Variants in SCCPDH observed in about 807,000 individuals in gnomAD.
SCCPDH encodes the protein saccharopine dehydrogenase (putative).
In SCCPDH, 34 loss-of-function variants were observed where a neutral mutation model predicts 51.5. The ratio of observed to expected loss-of-function variants is 0.66; its 90% CI spans 0.50 to 0.88. SCCPDH has a LOEUF of 0.88. Among genes scored for constraint, SCCPDH ranks in the 40% least tolerant of loss-of-function variants. SCCPDH has a pLI of 0.00. For synonymous variants in SCCPDH, 187 were observed against 191.3 expected (o/e 0.98, Z 0.19); for missense variants, 464 against 527.1 (o/e 0.88, Z 1.17).
intron 2 of SCCPDH, among the ~76,000 whole-genome samples, chr1:246,728,683 CTTTTT>C (rs563487565): frequency 2.0e-5 from 3 of 151,242 alleles, no homozygotes; most frequent in Admixed American, 2.0e-4. Flanking sequence ...TTTTATTTTT[CTTTTT>C]TTTTAACTAT....
chr1:246,765,519 C>T (rs1010407189), intron 10 of SCCPDH, among the ~76,000 whole-genome samples: 1 of 152,112 alleles, frequency 6.6e-6, no homozygotes, highest in Non-Finnish European at 1.5e-5. Context: ...GCTAATGTTC[C>T]GTTTGTTTAT....
Position 246,767,351 on chromosome 1 carries a change from CT to C in SCCPDH, c.*52del, listed in dbSNP as rs763326437. ...TAACGTGCGTGAATTAACAGCTTCT[CT>C]ATTTGATATTTGAAATTCTTCTGTA... On this transcript the variant is annotated 3_prime_UTR_variant, in exon 12 of 12. Transcript: ENST00000366510. 2 of 1,060,384 alleles carry C rather than the reference CT, an allele frequency of 1.9e-6. No individual in the cohort carries two copies. Among genetic ancestry groups the C allele is most frequent in the Admixed American group, 2.6e-5 (1 of 37,852 alleles). The allele number at this position is 1,060,384 out of a possible 1,614,324, so 65.7% of individuals were successfully genotyped here. A position where few individuals can be genotyped will look rare whatever the true frequency, so the allele number is the denominator to read the frequency against.
In SCCPDH at chr1:246,766,960, A is replaced by C. The variant is rs1446188431; in HGVS notation, c.1185-235A>C. 3.9e-5 allele frequency among the ~76,000 whole-genome samples: 6 copies of C among 152,266 alleles called. No homozygotes were observed. The East Asian group carries it at 9.6e-4, about 24-fold the overall frequency. ...CCCACCAAACACATGCATAGAATGGAAACAGTATCTCCAGGAACAGAGCCA... is the reference window on the plus strand; with the variant it reads ...CCCACCAAACACATGCATAGAATGGCAACAGTATCTCCAGGAACAGAGCCA... On this transcript the variant is annotated intron_variant, in intron 11 of 11. Coordinates refer to ENST00000366510, the MANE Select transcript of SCCPDH (RefSeq NM_016002.3).
intron 11 of SCCPDH, among the ~76,000 whole-genome samples, chr1:246,766,854 G>A (rs182300588): frequency 5.3e-5 from 8 of 151,604 alleles, no homozygotes; most frequent in African/African-American, 1.9e-4. Context: ...TATTCCATTC[G>A]GGTCTTTCTT....
chr1:246,743,354 G>A (rs1347401326), intron 4 of SCCPDH, among the ~76,000 whole-genome samples: 1 of 152,134 alleles, frequency 6.6e-6, no homozygotes, highest in Non-Finnish European at 1.5e-5. Context: ...AGAAGCCGAG[G>A]TGGGCAGATC....
intron 9 of SCCPDH, among the ~76,000 whole-genome samples, chr1:246,760,571 T>G (rs570234151): frequency 6.6e-6 from 1 of 152,178 alleles, no homozygotes; most frequent in East Asian, 1.9e-4. Flanking sequence ...TTCTCCTCTG[T>G]TATCTTTTCC....
chr1:246,724,687 C>A lies in SCCPDH; in HGVS notation c.190+75C>A, dbSNP rs550990324. 1.8e-4 allele frequency: 240 copies of A among 1,314,928 alleles called. 3 individuals are homozygous for A. The highest frequency in any genetic ancestry group is 1.8e-3 in the South Asian group (111 of 62,992). 81.5% of individuals were successfully genotyped at this position (1,314,928 alleles called of 1,614,324 possible). ...CCCGCATCGCCCCAAACGAGCGTTT[C>A]TCCCGCAGGGATGCGCCCTACGTGT... On this transcript the variant is annotated intron_variant, in intron 1 of 11. Transcript: ENST00000366510.
intron 4 of SCCPDH, among the ~76,000 whole-genome samples, chr1:246,741,206 A>T (rs1182998376): frequency 6.6e-6 from 1 of 152,242 alleles, no homozygotes; most frequent in Non-Finnish European, 1.5e-5. Flanking sequence ...TATATTAAAA[A>T]GTTAGCATAA....
chr1:246,725,201 T>G (rs1403554497), intron 1 of SCCPDH, among the ~76,000 whole-genome samples: 8 of 152,190 alleles, frequency 5.3e-5, no homozygotes, highest in Admixed American at 5.2e-4. Flanking sequence ...GTTTAGACGC[T>G]TACGTATTCT....
At chr1:246,753,001 C>T (rs1467587885) in intron 5 of SCCPDH, among the ~76,000 whole-genome samples, 1 of 151,908 alleles carries the variant, frequency 6.6e-6, no homozygotes, top group Non-Finnish European at 1.5e-5. Context: ...CTCTCTGTCT[C>T]TTTCTCTCTC....
At chr1:246,726,508 G>A (rs114896489) in intron 1 of SCCPDH, among the ~76,000 whole-genome samples, 7,021 of 152,100 alleles carry the variant, frequency 0.046, 544 homozygotes, top group African/African-American at 0.16. Context: ...AAAGTGCTGA[G>A]CCACTGCCCC....
At chr1:246,747,765 GT>G (rs1219771261) in intron 5 of SCCPDH, among the ~76,000 whole-genome samples, 1 of 152,214 alleles carries the variant, frequency 6.6e-6, no homozygotes, top group African/African-American at 2.4e-5. Flanking sequence ...AGGAAGGACA[GT>G]TACAGAACAA....
At chr1:246,753,043 T>C (rs1275934040) in intron 5 of SCCPDH, among the ~76,000 whole-genome samples, 2 of 151,046 alleles carry the variant, frequency 1.3e-5, no homozygotes, top group African/African-American at 4.9e-5. Context: ...CTCTCTCTCT[T>C]TTTCTTTGAC....
chr1:246,725,595 G>A (rs756341305), intron 1 of SCCPDH, among the ~76,000 whole-genome samples: 2 of 152,132 alleles, frequency 1.3e-5, no homozygotes, highest in Admixed American at 1.3e-4. Context: ...TTTTGTTCGT[G>A]GTTATGTACA....
chr1:246,766,694 T>C (rs1440758933), intron 11 of SCCPDH, among the ~76,000 whole-genome samples: 1 of 152,230 alleles, frequency 6.6e-6, no homozygotes, highest in Non-Finnish European at 1.5e-5. Flanking sequence ...AATTTGTATA[T>C]AGTAAAATCT....
intron 1 of SCCPDH, among the ~76,000 whole-genome samples, chr1:246,725,561 C>A (rs570370886): frequency 6.6e-6 from 1 of 152,304 alleles, no homozygotes; most frequent in South Asian, 2.1e-4. Flanking sequence ...AATCTACTTT[C>A]ATACAATGCC....
intron 3 of SCCPDH, among the ~76,000 whole-genome samples, chr1:246,737,559 G>C (rs1668613959): frequency 1.3e-5 from 2 of 151,954 alleles, no homozygotes; most frequent in South Asian, 4.2e-4. Context: ...AAGCTTTTAA[G>C]TCATCTAGAA....
chr1:246,724,639 G>A, intron 1 of SCCPDH, 27 bp downstream of exon 1: 1 of 1,436,962 alleles, frequency 7.0e-7, no homozygotes. Context: ...GGACGGGGCT[G>A]CGCGGGCGGC....
chr1:246,744,575 C>T (rs1446646566), intron 5 of SCCPDH, among the ~76,000 whole-genome samples: 3 of 152,064 alleles, frequency 2.0e-5, no homozygotes, highest in Non-Finnish European at 4.4e-5. Flanking sequence ...CCCACCTCAG[C>T]CTCCCAAAGT....
Sources: gnomAD v4.1 joint callset for allele counts (sites outside exome capture counted in the v4.1 genomes callset) on GRCh38, gnomAD v4.1.1 for gene constraint, MANE v1.5 for transcripts, NCBI Gene and HGNC (gene_info 2026-07-23, HGNC 2026-07-21) for gene names.